PCDHGB4: variants seen among roughly 807,000 people sequenced by gnomAD.
PCDHGB4 encodes the protein protocadherin gamma-B4.
Under a neutral mutation model 60.5 loss-of-function variants are expected in PCDHGB4, and 38 were observed. The observed-to-expected ratio is 0.63, with a 90% confidence interval of 0.48 to 0.82. The LOEUF (loss-of-function observed/expected upper bound fraction) is 0.82. Ranked by LOEUF, PCDHGB4 falls within the 40% of genes least tolerant of loss-of-function variation. The probability of loss-of-function intolerance (pLI) is 0.00; values close to 1 mark genes in which losing one functional copy is unlikely to be tolerated. For missense variants in PCDHGB4, 1,109 were observed against 1,209.6 expected (o/e 0.92, Z 1.23); for synonymous variants, 456 against 509.7 (o/e 0.89, Z 1.42).
chr5:141,432,250 A>C lies in PCDHGB4; in HGVS notation c.2397+41969A>C, dbSNP rs777728825. ...ATTCCCTGGCTGAGAACACCATCCA[A>C]GGGGCAAGCCTATCGTCCTACGTGT... On this transcript the variant is annotated intron_variant, in intron 1 of 3. Coordinates refer to ENST00000519479, the MANE Select transcript of PCDHGB4 (RefSeq NM_003736.4). This position sits in a 1 kb window ranked among gnomAD's most constrained non-coding sequence, Gnocchi z 6.0. 2 of 1,614,116 alleles carry C rather than the reference A, an allele frequency of 1.2e-6. No homozygotes were observed. The highest frequency in any genetic ancestry group is 1.7e-6 in the Non-Finnish European group (2 of 1,180,062).
At chr5:141,506,226 G>A (rs1248069119) in intron 3 of PCDHGB4, among the ~76,000 whole-genome samples, 3 of 152,152 alleles carry the variant, frequency 2.0e-5, no homozygotes, top group Non-Finnish European at 1.5e-5. Flanking sequence ...TGAGGCAGGA[G>A]GATCATGAGG....
At chr5:141,412,100 C>G (rs1041242156) in intron 1 of PCDHGB4, 2 of 152,180 alleles carry the variant, frequency 1.3e-5, no homozygotes, top group Non-Finnish European at 2.9e-5. Context: ...TGGGCACACA[C>G]AGTTGAAGAT....
chr5:141,405,400 T>C (rs986034251), intron 1 of PCDHGB4: 3 of 1,590,732 alleles, frequency 1.9e-6, no homozygotes, highest in Non-Finnish European at 2.6e-6. Flanking sequence ...TTTTCTTTCT[T>C]TCTTTTCTTT....
intron 1 of PCDHGB4, chr5:141,408,114 C>T (rs1191565539): frequency 5.5e-6 from 8 of 1,460,968 alleles, no homozygotes; most frequent in South Asian, 1.4e-5. Context: ...CGGGACTCCT[C>T]CTGTCCTGGG....
At position 141,418,815 on chromosome 5, in the gene PCDHGB4, T is replaced by C. The variant is rs368396202; in HGVS notation, c.2397+28534T>C. The stretch of plus-strand genomic sequence containing the variant: ...GAAGTAGAAAGATATACGATAAACA[T>C]AGAAGCAAAAGACCGAGGATCTCTC... On this transcript the variant is annotated intron_variant, in intron 1 of 3. Transcript: ENST00000519479. 509 of 1,613,744 alleles carry C rather than the reference T, an allele frequency of 3.2e-4. No homozygotes were observed. The highest frequency in any genetic ancestry group is 4.1e-4 in the Non-Finnish European group (488 of 1,179,804).
In PCDHGB4 at chr5:141,486,531, C is replaced by T; in HGVS notation, c.2398-8276C>T. The T allele has an allele frequency of 6.2e-7, 1 of 1,614,062 alleles. No homozygotes were observed. Among genetic ancestry groups the T allele is most frequent in the Non-Finnish European group, 8.5e-7 (1 of 1,180,020 alleles). Reference sequence around the variant, plus strand: ...ATTTCAGATGTGAATGATAATCCACCCTCTTTCTTTCAGAGGTCACATGAG... The same window carrying T: ...ATTTCAGATGTGAATGATAATCCACTCTCTTTCTTTCAGAGGTCACATGAG... On this transcript the variant is annotated intron_variant, in intron 1 of 3. Transcript: ENST00000519479. This position sits in a 1 kb window ranked among gnomAD's most constrained non-coding sequence, Gnocchi z 5.0.
chr5:141,393,259 G>C (rs1561641378), intron 1 of PCDHGB4: 1 of 1,613,874 alleles, frequency 6.2e-7, no homozygotes, highest in Admixed American at 1.7e-5. Flanking sequence ...GCGGTTCCTG[G>C]AGCACGTTAT....
At chr5:141,466,058 C>T (rs970494567) in intron 1 of PCDHGB4, among the ~76,000 whole-genome samples, 2 of 152,046 alleles carry the variant, frequency 1.3e-5, no homozygotes, top group African/African-American at 4.8e-5. Flanking sequence ...GGAGACGGAG[C>T]TTGCAGTGAG....
chr5:141,433,305 C>A, intron 1 of PCDHGB4: 1 of 931,030 alleles, frequency 1.1e-6, no homozygotes, highest in Non-Finnish European at 1.6e-6. Context: ...GCAATTATCC[C>A]ACCTTTGCCT....
At chr5:141,449,876 C>T (rs924666805) in intron 1 of PCDHGB4, among the ~76,000 whole-genome samples, 1 of 151,724 alleles carries the variant, frequency 6.6e-6, no homozygotes, top group African/African-American at 2.4e-5. Context: ...AATTTAACAT[C>T]AATGCAATAT....
chr5:141,511,489 A>G lies in PCDHGB4; in HGVS notation c.*316A>G. 2.3e-6 allele frequency: 1 copy of G among 435,688 alleles called. No individual in the cohort carries two copies. Among genetic ancestry groups the G allele is most frequent in the Non-Finnish European group, 4.2e-6 (1 of 239,908 alleles). The allele number at this position is 435,688 out of a possible 1,614,324, so 27.0% of individuals were successfully genotyped here. ...CGTTTAGTTACAGCTGAACTCCTCC[A>G]TCTTCCAAATCAATCAGGCCCATCC... On this transcript the variant is annotated 3_prime_UTR_variant, in exon 4 of 4. Coordinates refer to ENST00000519479, the MANE Select transcript of PCDHGB4 (RefSeq NM_003736.4).
intron 1 of PCDHGB4, chr5:141,399,813 G>A (rs985564503): frequency 6.2e-7 from 1 of 1,613,198 alleles, no homozygotes; most frequent in Non-Finnish European, 8.5e-7. Context: ...TGTACCCCGC[G>A]CTGGGTCCCG....
chr5:141,429,395 A>T (rs545207705), intron 1 of PCDHGB4, among the ~76,000 whole-genome samples: 166 of 152,126 alleles, frequency 1.1e-3, no homozygotes, highest in African/African-American at 3.8e-3. Flanking sequence ...TTTAAAAAAA[A>T]TTGAGATTAA....
rs2099404338 is a variant in PCDHGB4, at chr5:141,477,060, C to T, written c.2398-17747C>T. On this transcript the variant is annotated intron_variant, in intron 1 of 3. Coordinates refer to ENST00000519479, the MANE Select transcript of PCDHGB4 (RefSeq NM_003736.4). This position sits in a 1 kb window ranked among gnomAD's most constrained non-coding sequence, Gnocchi z 4.9. Reference sequence around the variant, plus strand: ...AAGGGTCGGCTGGACTTCGAGGACACCAAACTCCATGAGATTTACATCCAG... The same window carrying T: ...AAGGGTCGGCTGGACTTCGAGGACATCAAACTCCATGAGATTTACATCCAG... 3.7e-6 allele frequency: 6 copies of T among 1,614,256 alleles called. No individual in the cohort carries two copies. The highest frequency in any genetic ancestry group is 5.1e-6 in the Non-Finnish European group (6 of 1,180,046).
At chr5:141,468,931 G>A (rs1321821773) in intron 1 of PCDHGB4, among the ~76,000 whole-genome samples, 2 of 148,600 alleles carry the variant, frequency 1.3e-5, no homozygotes, top group Non-Finnish European at 3.0e-5. Flanking sequence ...GCACTAAAAT[G>A]GGAGATGGGG....
rs767719494 is a variant in PCDHGB4 at position 141,491,200 on chromosome 5, C to T, written c.2398-3607C>T. On this transcript the variant is annotated intron_variant, in intron 1 of 3. Coordinates refer to ENST00000519479, the MANE Select transcript of PCDHGB4 (RefSeq NM_003736.4). This position sits in a 1 kb window ranked among gnomAD's most constrained non-coding sequence, Gnocchi z 6.9. The stretch of plus-strand genomic sequence containing the variant: ...GGTCCTGGTGAGGGACAATGGTGAC[C>T]CTTCACTCTCCTCCACAGCCACAGT... 4 of 1,614,158 alleles carry T rather than the reference C, an allele frequency of 2.5e-6. No individual in the cohort carries two copies. The highest frequency in any genetic ancestry group is 3.4e-6 in the Non-Finnish European group (4 of 1,180,000).
At chr5:141,427,249 G>A (rs1417336994) in intron 1 of PCDHGB4, 1 of 456,742 alleles carries the variant, frequency 2.2e-6, no homozygotes, top group African/African-American at 2.0e-5. Context: ...GCTAAGGATG[G>A]TGGAGGCATG....
At chr5:141,467,103 AGTACAATG>A (rs1438695307) in intron 1 of PCDHGB4, among the ~76,000 whole-genome samples, 1 of 147,462 alleles carries the variant, frequency 6.8e-6, no homozygotes, top group East Asian at 2.0e-4. Flanking sequence ...CACAGGCTGG[AGTACAATG>A]GTGCAATCTC....
rs375166529 is a variant in PCDHGB4, at chr5:141,399,734, C to G, written c.2397+9453C>G. The G allele has an allele frequency of 3.7e-6, 6 of 1,613,220 alleles. No homozygotes were observed. The African/African-American group carries it at 4.0e-5, about 11-fold the overall frequency. ...CTACAGGCCCGCGACCAGGGCTCGC[C>G]TGCGCTCAGCGCAAACGTGAGCCTG... On this transcript the variant is annotated intron_variant, in intron 1 of 3. Transcript: ENST00000519479.
Sources: gnomAD v4.1 joint callset for allele counts (sites outside exome capture counted in the v4.1 genomes callset) on GRCh38, gnomAD v4.1.1 for gene constraint, Gnocchi (gnomAD v3.1) non-coding constraint, MANE v1.5 for transcripts, NCBI Gene and HGNC (gene_info 2026-07-23, HGNC 2026-07-21) for gene names.